The following STK3 variants were observed in gnomAD, a reference collection of about 807,000 sequenced individuals.
The protein encoded by STK3 is serine/threonine kinase 3.
Under a neutral mutation model 58.0 loss-of-function variants are expected in STK3, and 41 were observed. The observed-to-expected ratio is 0.71, with a 90% CI of 0.55 to 0.92. The LOEUF is 0.92. Ranked by LOEUF, STK3 falls within the 40% of genes least tolerant of loss-of-function variation. STK3 has a pLI of 0.00. For synonymous variants in STK3, 170 were observed against 191.0 expected, an observed-to-expected ratio of 0.89 and a Z score of 0.91; for missense variants, 479 against 602.7, an observed-to-expected ratio of 0.79 and a Z score of 2.15.
intron 6 of STK3, among the ~76,000 whole-genome samples, chr8:98,689,107 G>A (rs941729152): frequency 6.6e-6 from 1 of 152,124 alleles, no homozygotes. Context: ...TACAGCAGAT[G>A]TTCAGAGGCT....
At chr8:98,345,745 G>A in the STK3 span, among the ~76,000 whole-genome samples, 3 of 151,986 alleles carry the variant, frequency 2.0e-5, no homozygotes, top group Non-Finnish European at 4.4e-5. Flanking sequence ...AGCAGAACAG[G>A]ACACCAAAAT....
the STK3 span, among the ~76,000 whole-genome samples, chr8:98,362,575 C>G: frequency 6.6e-6 from 1 of 152,206 alleles, no homozygotes; most frequent in Non-Finnish European, 1.5e-5. Flanking sequence ...TGCATCCACC[C>G]AGCGTCTAGC....
At chr8:98,709,267 T>C (rs964529035) in intron 4 of STK3, among the ~76,000 whole-genome samples, 2 of 152,118 alleles carry the variant, frequency 1.3e-5, no homozygotes, top group Non-Finnish European at 2.9e-5. Flanking sequence ...CTACTTTAGA[T>C]TGACATTCAA....
upstream of STK3, among the ~76,000 whole-genome samples, chr8:98,829,123 C>A (rs1835434038): frequency 6.6e-6 from 1 of 152,154 alleles, no homozygotes; most frequent in Non-Finnish European, 1.5e-5. Flanking sequence ...AGGGTGAGGT[C>A]AGACTATTGG....
At chr8:98,608,166 ACATAT>A (rs910810629) in intron 6 of STK3, among the ~76,000 whole-genome samples, 41 of 152,304 alleles carry the variant, frequency 2.7e-4, no homozygotes, top group African/African-American at 9.6e-4. Context: ...CATCTTAATC[ACATAT>A]CATATATGTG....
intron 4 of STK3, among the ~76,000 whole-genome samples, chr8:98,709,954 C>T (rs1243490495): frequency 6.6e-6 from 1 of 151,474 alleles, no homozygotes; most frequent in African/African-American, 2.4e-5. Flanking sequence ...TGGCAAAAAC[C>T]GAAATTACTT....
At chr8:98,763,373 T>C (rs1830749477) in intron 3 of STK3, among the ~76,000 whole-genome samples, 1 of 152,224 alleles carries the variant, frequency 6.6e-6, no homozygotes, top group South Asian at 2.1e-4. Context: ...AAATATTCAC[T>C]TAAAATGAAC....
intron 6 of STK3, among the ~76,000 whole-genome samples, chr8:98,637,299 C>T (rs1023342288): frequency 3.9e-5 from 6 of 152,140 alleles, no homozygotes; most frequent in African/African-American, 1.4e-4. Flanking sequence ...ATGCAATATT[C>T]TGTTTGTATT....
chr8:98,737,852 C>A (rs541110404), intron 4 of STK3, among the ~76,000 whole-genome samples: 1 of 152,170 alleles, frequency 6.6e-6, no homozygotes, highest in Admixed American at 6.5e-5. Context: ...GGATTATAGG[C>A]ACCTGCCAGC....
intron 1 of STK3, among the ~76,000 whole-genome samples, chr8:98,914,889 G>A (rs1256057430): frequency 3.9e-5 from 6 of 152,194 alleles, no homozygotes; most frequent in Non-Finnish European, 8.8e-5. Context: ...TGTAGGACAA[G>A]TATCCAGGAC....
intron 6 of STK3, among the ~76,000 whole-genome samples, chr8:98,616,787 T>A (rs1351991231): frequency 6.6e-4 from 99 of 151,098 alleles, no homozygotes; most frequent in African/African-American, 2.3e-3. Flanking sequence ...ATGCACCCAA[T>A]ACAGGAGCAC....
At chr8:98,602,757 G>A (rs1193239515) in intron 6 of STK3, among the ~76,000 whole-genome samples, 4 of 151,868 alleles carry the variant, frequency 2.6e-5, no homozygotes, top group Non-Finnish European at 5.9e-5. Context: ...AGAGAGAAGG[G>A]CAATAGAAAA....
downstream of STK3, chr8:98,883,262 T>G (rs1837864812): frequency 6.1e-6 from 1 of 165,086 alleles, no homozygotes; most frequent in Non-Finnish European, 1.3e-5. Flanking sequence ...CTGAATCTGA[T>G]TTTTTAAAAA....
rs533872468 is a variant in STK3 at position 98,476,461 on chromosome 8, GGTAAAT to G, written c.1318-20467_1318-20462del. On this transcript the variant is annotated intron_variant, in intron 10 of 10. Transcript: ENST00000419617. The stretch of plus-strand genomic sequence containing the variant: ...TTACCAGCAGTCTTAGACGGCTATG[GGTAAAT>G]GTTCTGGCTCTGCGGCCCCCTGAAA... 4.4e-4 allele frequency among the ~76,000 whole-genome samples: 67 copies of G among 152,240 alleles called. 1 individual carries two copies. In the East Asian group the frequency reaches 0.012, roughly 28 times the overall value.
chr8:98,662,845 G>A (rs1488070376), intron 6 of STK3, among the ~76,000 whole-genome samples: 1 of 151,790 alleles, frequency 6.6e-6, no homozygotes, highest in Non-Finnish European at 1.5e-5. Context: ...CCCACAACAG[G>A]CCCCGGTGTG....
intron 6 of STK3, among the ~76,000 whole-genome samples, chr8:98,682,394 CATTT>C (rs1709717278): frequency 6.6e-6 from 1 of 152,258 alleles, no homozygotes; most frequent in East Asian, 1.9e-4. Context: ...TGATATCATT[CATTT>C]GATTACAGAA....
chr8:98,912,560 G>A lies in STK3; in HGVS notation c.-78-28726C>T, dbSNP rs573625424. On this transcript the variant is annotated intron_variant, in intron 1 of 1. Transcript: ENST00000519420. ...GGCTCTCTTCATAGGGATGGAACGTGCCCCACTAACAACACTATGCAGAGA... is the reference window on the plus strand; with the variant it reads ...GGCTCTCTTCATAGGGATGGAACGTACCCCACTAACAACACTATGCAGAGA... Among the ~76,000 whole-genome samples the A allele has an allele frequency of 4.6e-5, 7 of 152,238 alleles. No homozygotes were observed. In the South Asian group the frequency reaches 1.5e-3, roughly 32 times the overall value.
intron 8 of STK3, among the ~76,000 whole-genome samples, chr8:98,574,898 G>A (rs941040253): frequency 1.3e-5 from 2 of 152,122 alleles, no homozygotes; most frequent in African/African-American, 2.4e-5. Context: ...TGCTTGGCTG[G>A]ATTCCAAAAC....
intron 10 of STK3, among the ~76,000 whole-genome samples, chr8:98,509,836 T>C (rs935400903): frequency 1.6e-4 from 24 of 151,996 alleles, no homozygotes; most frequent in African/African-American, 5.3e-4. Context: ...GTTACCTCAA[T>C]AACAAAGATG....
Sources: gnomAD v4.1 joint callset for allele counts (sites outside exome capture counted in the v4.1 genomes callset) on GRCh38, gnomAD v4.1.1 for gene constraint, MANE v1.5 for transcripts, NCBI Gene and HGNC (gene_info 2026-07-23, HGNC 2026-07-21) for gene names.